The following SEC16A variants were observed in gnomAD, a reference collection of about 807,000 sequenced individuals.
SEC16A encodes SEC16 homolog A, endoplasmic reticulum export factor.
In SEC16A, 110 loss-of-function variants were observed where a neutral mutation model predicts 221.9. The ratio of observed to expected loss-of-function variants is 0.50; its 90% CI spans 0.42 to 0.58. The LOEUF is 0.58. Among genes scored for constraint, SEC16A ranks in the 20% least tolerant of loss-of-function variants. The pLI, the probability that SEC16A is intolerant of heterozygous loss-of-function variation, is 0.00. For missense variants in SEC16A, 3,165 were observed against 3,097.8 expected (o/e 1.02, Z -0.52); for synonymous variants, 1,393 against 1,257.7 (o/e 1.11, Z -2.28).
rs1395973457 is a variant in SEC16A at position 136,477,063 on chromosome 9, G to A, written c.553C>T (p.Pro185Ser). 1.9e-6 allele frequency: 3 copies of A among 1,613,882 alleles called. No homozygotes were observed. The highest frequency in any genetic ancestry group is 2.5e-6 in the Non-Finnish European group (3 of 1,179,894). ...TCATGTGGGTTTTGCCTGCTCAGGGGTCGGTCGAGCCCAGGCATGTTCCCA... is the reference window on the plus strand; with the variant it reads ...TCATGTGGGTTTTGCCTGCTCAGGGATCGGTCGAGCCCAGGCATGTTCCCA... ...PHGNMPGLDR[P>S]LSRQNPHDGV... The change falls in exon 3 of 32, where the codon CCC (proline) becomes TCC (serine). Residue 185 changes from proline (P) to serine (S), a missense_variant. Physicochemically the swap from Pro to Ser is moderately conservative, Grantham distance 74. This residue lies in a region of SEC16A where 2,030 missense variants were observed against 1,923.1 expected (regional missense o/e 1.06). Coordinates refer to ENST00000684901, the MANE Select transcript of SEC16A (RefSeq NM_014866.2).
chr9:136,462,812 G>A (rs1839671082), intron 12 of SEC16A, 75 bp downstream of exon 12: 6 of 1,534,384 alleles, frequency 3.9e-6, no homozygotes, highest in Non-Finnish European at 4.4e-6. Flanking sequence ...GTCCCTCCCT[G>A]AAGGCTGCAA....
chr9:136,483,253 GT>G (rs1842650795), upstream of SEC16A, among the ~76,000 whole-genome samples: 2 of 77,696 alleles, frequency 2.6e-5, no homozygotes, highest in South Asian at 5.4e-4. Context: ...CCTCGCCGGC[GT>G]CCGTTCTTCC....
chr9:136,462,779 G>A (rs977489309), intron 12 of SEC16A, 108 bp downstream of exon 12: 52 of 1,290,154 alleles, frequency 4.0e-5, no homozygotes, highest in African/African-American at 1.8e-4. Context: ...ACTGCAGCGC[G>A]GATGCTCCCA....
rs550358454 is a variant in SEC16A, at chr9:136,477,756, A to G, written c.-69-72T>C. 4.4e-6 allele frequency: 6 copies of G among 1,360,106 alleles called. No homozygotes were observed. The South Asian group carries it at 9.4e-5, about 21-fold the overall frequency. 84.3% of individuals were successfully genotyped at this position (1,360,106 alleles called of 1,614,324 possible). ...GTCCTAGCTGCAATCAGGAAAACTA[A>G]GGAAAAAGAGAAACATTGAACATGA... On this transcript the variant is annotated intron_variant, in intron 2 of 31. Transcript: ENST00000684901.
intron 9 of SEC16A, 96 bp from the exon 10 acceptor site, chr9:136,463,836 G>A: frequency 7.2e-7 from 1 of 1,382,710 alleles, no homozygotes; most frequent in South Asian, 1.2e-5. Flanking sequence ...CGTGAGAGGA[G>A]AGGATGGCAT....
intron 4 of SEC16A, among the ~76,000 whole-genome samples, chr9:136,471,170 G>A (rs900726733): frequency 3.3e-5 from 5 of 151,828 alleles, no homozygotes; most frequent in Non-Finnish European, 5.9e-5. Context: ...GCAATGTCAA[G>A]GAGAAACATA....
Position 136,447,058 on chromosome 9 carries a change from C to A in SEC16A, c.6698-109G>T. The A allele has an allele frequency of 6.4e-7, 1 of 1,559,624 alleles. No homozygotes were observed. The highest frequency in any genetic ancestry group is 1.2e-5 in the South Asian group (1 of 83,460). On this transcript the variant is annotated intron_variant, in intron 27 of 31. Coordinates refer to ENST00000684901, the MANE Select transcript of SEC16A (RefSeq NM_014866.2). The surrounding 1 kb of genome is among the most constrained non-coding windows in gnomAD (Gnocchi z 5.5). ...TTTCACACTGCACACGCGGCACACTCATGCAGAAACAGGCAAATCAAAAAA... is the reference window on the plus strand; with the variant it reads ...TTTCACACTGCACACGCGGCACACTAATGCAGAAACAGGCAAATCAAAAAA...
chr9:136,474,241 C>T lies in SEC16A; in HGVS notation c.3375G>A (p.Val1125=). The T allele has an allele frequency of 1.9e-6, 3 of 1,609,450 alleles. No homozygotes were observed. The highest frequency in any genetic ancestry group is 2.5e-6 in the Non-Finnish European group (3 of 1,178,124). Residue 1125 remains valine, a synonymous_variant, in exon 3 of 32, where the codon GTG becomes GTA. Coordinates refer to ENST00000684901, the MANE Select transcript of SEC16A (RefSeq NM_014866.2). The part of the protein sequence containing the change: ...RPPQSSSVSL[V]SSGSGQAAVP... ...CAGCTGCCTGGCCGGAGCCACTGGA[C>T]ACCAGAGACACGCTAGAGGACTGAG...
At chr9:136,461,074 G>C in intron 13 of SEC16A, 103 bp downstream of exon 13, 1 of 860,316 alleles carries the variant, frequency 1.2e-6, no homozygotes. Flanking sequence ...GCACAGCACA[G>C]TCAAGTGAGA....
Position 136,476,372 on chromosome 9 carries a change from G to A in SEC16A, c.1244C>T (p.Pro415Leu). The change falls in exon 3 of 32, where the codon CCT becomes CTT. Residue 415 changes from proline (P) to leucine (L), a missense_variant. This residue lies in a region of SEC16A where 2,030 missense variants were observed against 1,923.1 expected (regional missense o/e 1.06). Coordinates refer to ENST00000684901, the MANE Select transcript of SEC16A (RefSeq NM_014866.2). ...GAGGCTGCCTGCCCCCACGTGTGTA[G>A]GTGCGGGCGGACGGCCTAGCCCAGG... ...SSPGLGRPPA[P>L]THVGAGSLCQ... 6.2e-7 allele frequency: 1 copy of A among 1,612,866 alleles called. No homozygotes were observed. The highest frequency in any genetic ancestry group is 8.5e-7 in the Non-Finnish European group (1 of 1,179,886).
Position 136,441,646 on chromosome 9 carries a change from C to G in SEC16A, c.*109G>C. ...GCACAGTGTGCGACCAGCTCTGAGT[C>G]ACTGCTGTGTCTCCCTGGGGGCGGG... On this transcript the variant is annotated 3_prime_UTR_variant, in exon 32 of 32. Coordinates refer to ENST00000684901, the MANE Select transcript of SEC16A (RefSeq NM_014866.2). 1 of 887,464 alleles carries G rather than the reference C, an allele frequency of 1.1e-6. No individual in the cohort carries two copies. Among genetic ancestry groups the G allele is most frequent in the Non-Finnish European group, 1.8e-6 (1 of 540,614 alleles). 55.0% of individuals were successfully genotyped at this position (887,464 alleles called of 1,614,324 possible). A position where few individuals can be genotyped will look rare whatever the true frequency, so the allele number is the denominator to read the frequency against.
chr9:136,449,623 G>A (rs1233512115), intron 23 of SEC16A, among the ~76,000 whole-genome samples: 2 of 152,168 alleles, frequency 1.3e-5, no homozygotes, highest in Admixed American at 6.5e-5. Flanking sequence ...GGTGTGAGCC[G>A]CCATGCCCGG....
upstream of SEC16A, chr9:136,483,108 C>G: frequency 1.3e-6 from 1 of 778,388 alleles, no homozygotes; most frequent in Non-Finnish European, 1.6e-6. Context: ...GCGCCCCGCC[C>G]CTGGCCCCGC....
Position 136,475,708 on chromosome 9 carries a change from C to T in SEC16A, c.1908G>A (p.Arg636=). 1 of 1,613,274 alleles carries T rather than the reference C, an allele frequency of 6.2e-7. No individual in the cohort carries two copies. Among genetic ancestry groups the T allele is most frequent in the Non-Finnish European group, 8.5e-7 (1 of 1,179,644 alleles). ...ADRANVVGEV[R]ETCVRQKQCR... ...ACTGCTTCTGGCGGACACAGGTCTC[C>T]CTTACTTCACCAACCACGTTGGCGC... Residue 636 remains arginine (R), a synonymous_variant, in exon 3 of 32, where the codon AGG becomes AGA. Transcript: ENST00000684901. This position sits in a 1 kb window ranked among gnomAD's most constrained non-coding sequence, Gnocchi z 5.0.
chr9:136,456,787 C>A (rs1838739647), intron 18 of SEC16A, among the ~76,000 whole-genome samples: 1 of 152,192 alleles, frequency 6.6e-6, no homozygotes, highest in South Asian at 2.1e-4. Flanking sequence ...GAAACTGAGG[C>A]CTGCAGCAGT....
intron 4 of SEC16A, among the ~76,000 whole-genome samples, chr9:136,470,978 G>A (rs913792876): frequency 1.3e-5 from 2 of 152,166 alleles, no homozygotes; most frequent in Non-Finnish European, 2.9e-5. Flanking sequence ...ACCCCTCGCA[G>A]GGCTCTGCGC....
intron 20 of SEC16A, 38 bp downstream of exon 20, chr9:136,455,563 G>C: frequency 6.6e-7 from 1 of 1,509,046 alleles, no homozygotes; most frequent in Non-Finnish European, 8.9e-7. Flanking sequence ...AGGAAGCAGG[G>C]GCTTGTCTGA....
chr9:136,453,325 C>T, intron 22 of SEC16A, 103 bp downstream of exon 22: 2 of 791,104 alleles, frequency 2.5e-6, no homozygotes, highest in Non-Finnish European at 2.1e-6. Context: ...GAAACAATTT[C>T]ATAGTCCTCA....
At position 136,447,268 on chromosome 9, in the gene SEC16A, G is replaced by A. The variant is rs765940476; in HGVS notation, c.6656C>T (p.Ala2219Val). ...LAPADFVAPL[A>V]PLPIPSNLFV... is the part of the protein sequence containing the mutation. ...CAAGTTAGAAGGAATTGGGAGTGGC[G>A]CGAGTGGAGCGACAAAGTCCGCAGG... is the stretch of plus-strand genomic sequence containing the variant. The change falls in exon 27 of 32, where the codon GCG (alanine) becomes GTG (valine). Residue 2219 changes from alanine (A) to valine (V), a missense_variant. Physicochemically the swap from Ala to Val is moderately conservative, Grantham distance 64 (BLOSUM62 0). This residue lies in a region of SEC16A where 1,088 missense variants were observed against 1,089.6 expected (regional missense o/e 1.00). Transcript: ENST00000684901. The surrounding 1 kb of genome is among the most constrained non-coding windows in gnomAD (Gnocchi z 5.5). The A allele has an allele frequency of 2.4e-5, 39 of 1,596,770 alleles. No homozygotes were observed. The Middle Eastern group carries it at 8.2e-4, about 34-fold the overall frequency.
Sources: gnomAD v4.1 joint callset for allele counts (sites outside exome capture counted in the v4.1 genomes callset) on GRCh38, gnomAD v4.1.1 for gene constraint, gnomAD v4.1.1 regional missense constraint, Gnocchi (gnomAD v3.1) non-coding constraint, MANE v1.5 for transcripts, NCBI Gene and HGNC (gene_info 2026-07-23, HGNC 2026-07-21) for gene names.